The following SMAD6 variants were observed in gnomAD, a reference collection of about 807,000 sequenced individuals.
The protein encoded by SMAD6 is SMAD family member 6, also known as MAD homolog 6.
In SMAD6, 103 loss-of-function variants were observed where a neutral mutation model predicts 39.4. That is an observed-to-expected ratio of 2.62 (90% CI 2.23 to 3.08). The LOEUF is 3.08. SMAD6 is among the 30% of genes most tolerant of loss of function. SMAD6 has a pLI of 0.00. For missense variants in SMAD6, 1,104 were observed against 742.9 expected, an observed-to-expected ratio of 1.49 and a Z score of -5.65; for synonymous variants, 445 against 353.3, an observed-to-expected ratio of 1.26 and a Z score of -2.91.
At chr15:66,759,977 A>T (rs1290152905) in intron 3 of SMAD6, among the ~76,000 whole-genome samples, 1 of 152,250 alleles carries the variant, frequency 6.6e-6, no homozygotes, top group Admixed American at 6.5e-5. Flanking sequence ...GCCTCTGCAG[A>T]CTTTTCACTA....
intron 3 of SMAD6, among the ~76,000 whole-genome samples, chr15:66,727,115 T>C (rs1234268363): frequency 6.6e-6 from 1 of 151,746 alleles, no homozygotes; most frequent in Non-Finnish European, 1.5e-5. Flanking sequence ...TTTTTTTTTT[T>C]TGAGACAGAG....
At chr15:66,758,373 T>C (rs1184633789) in intron 3 of SMAD6, among the ~76,000 whole-genome samples, 1 of 152,298 alleles carries the variant, frequency 6.6e-6, no homozygotes, top group South Asian at 2.1e-4. Context: ...CAGAACAGCA[T>C]GGCAGGTCCA....
intron 1 of SMAD6, among the ~76,000 whole-genome samples, chr15:66,711,024 G>T (rs1893216081): frequency 6.6e-6 from 1 of 152,212 alleles, no homozygotes; most frequent in African/African-American, 2.4e-5. Flanking sequence ...ACGAGTTTCT[G>T]TGTCTGGGCC....
In SMAD6 at chr15:66,781,110, A is replaced by G. The variant is rs747893134; in HGVS notation, c.1066A>G (p.Ile356Val). Residue 356 changes from isoleucine to valine, a missense_variant, in exon 4 of 4, where the codon ATC becomes GTC. Ile to Val is a conservative substitution (Grantham distance 29, BLOSUM62 3). Transcript: ENST00000288840. ...LYAVYDQAVS[I>V]FYDLPQGSGF... ...TGCGGTGTACGACCAGGCCGTCAGC[A>G]TCTTCTACGACCTACCTCAGGGCAG... is the stretch of plus-strand genomic sequence containing the variant. The G allele has an allele frequency of 6.2e-6, 10 of 1,608,866 alleles. No homozygotes were observed. Among genetic ancestry groups the G allele is most frequent in the Non-Finnish European group, 8.5e-6 (10 of 1,179,718 alleles).
At chr15:66,746,407 C>T (rs971747566) in intron 3 of SMAD6, among the ~76,000 whole-genome samples, 10 of 152,150 alleles carry the variant, frequency 6.6e-5, no homozygotes, top group East Asian at 3.9e-4. Flanking sequence ...CCCTCCCTGG[C>T]GAGCCAGCTC....
intron 3 of SMAD6, among the ~76,000 whole-genome samples, chr15:66,750,512 C>T (rs1262531433): frequency 2.6e-5 from 4 of 152,200 alleles, no homozygotes; most frequent in Non-Finnish European, 5.9e-5. Flanking sequence ...TCTCACAGTG[C>T]TTCCCATCTT....
intron 1 of SMAD6, 178 bp downstream of exon 1, chr15:66,704,253 C>CA: frequency 2.4e-6 from 1 of 414,608 alleles, no homozygotes; most frequent in South Asian, 8.6e-5. Flanking sequence ...GGTGTCCCAG[C>CA]ACACACATCA....
At chr15:66,756,025 T>C (rs1894092001) in intron 3 of SMAD6, among the ~76,000 whole-genome samples, 1 of 141,540 alleles carries the variant, frequency 7.1e-6, no homozygotes, top group Non-Finnish European at 1.6e-5. Flanking sequence ...TCAAGTCATT[T>C]TGGTTAAAAA....
chr15:66,706,948 T>C (rs1893126088), intron 1 of SMAD6: 1 of 152,260 alleles, frequency 6.6e-6, no homozygotes, highest in African/African-American at 2.4e-5. Context: ...GATGTGCAGA[T>C]TCCAGGCCAC....
intron 3 of SMAD6, chr15:66,740,890 G>C (rs1385177218): frequency 6.6e-6 from 1 of 152,200 alleles, no homozygotes; most frequent in Non-Finnish European, 1.5e-5. Context: ...ATGACTTTCT[G>C]AGATCCCTGG....
Position 66,703,773 on chromosome 15 carries a change from T to C in SMAD6, c.515T>C (p.Leu172Pro). ...CGGCTGCTGCTGCTGGAGCAGGAAC[T>C]CAAAACCGTCACGTACTCGCTGCTG... ...RSRLLLLEQE[L>P]KTVTYSLLKR... The change falls in exon 1 of 4, where the codon CTC becomes CCC. Residue 172 changes from leucine to proline, a missense_variant. Coordinates refer to ENST00000288840, the MANE Select transcript of SMAD6 (RefSeq NM_005585.5). 6 of 1,431,000 alleles carry C rather than the reference T, an allele frequency of 4.2e-6. No individual in the cohort carries two copies. The highest frequency in any genetic ancestry group is 5.5e-6 in the Non-Finnish European group (6 of 1,081,102). The allele number at this position is 1,431,000 out of a possible 1,614,324, so 88.6% of individuals were successfully genotyped here.
intron 3 of SMAD6, chr15:66,717,195 T>C (rs1241799497): frequency 8.2e-7 from 1 of 1,222,444 alleles, no homozygotes; most frequent in Admixed American, 2.3e-5. Context: ...TGGGGCCCTT[T>C]GGGAGCATGG....
At chr15:66,711,809 T>C in intron 2 of SMAD6, 85 bp downstream of exon 2, 2 of 977,388 alleles carry the variant, frequency 2.0e-6, no homozygotes, top group South Asian at 1.3e-5. Context: ...GCCTCAGGGC[T>C]GGAGGGCTGG....
intron 3 of SMAD6, 94 bp downstream of exon 3, chr15:66,716,592 C>T (rs1893335197): frequency 3.3e-6 from 3 of 921,070 alleles, no homozygotes; most frequent in African/African-American, 1.6e-5. Context: ...TTGACTTCCC[C>T]TCTTCTTTTT....
intron 3 of SMAD6, among the ~76,000 whole-genome samples, chr15:66,732,835 A>G (rs1038407679): frequency 1.3e-5 from 2 of 152,006 alleles, no homozygotes; most frequent in South Asian, 2.1e-4. Context: ...CTGAAATTCA[A>G]TTTATCAGTT....
chr15:66,731,535 GT>G (rs2140625581), intron 3 of SMAD6, among the ~76,000 whole-genome samples: 1 of 152,106 alleles, frequency 6.6e-6, no homozygotes, highest in South Asian at 2.1e-4. Context: ...TGTCTCTATA[GT>G]TTTGCTTTTT....
chr15:66,738,943 T>A (rs1406845274), intron 3 of SMAD6, among the ~76,000 whole-genome samples: 2 of 152,102 alleles, frequency 1.3e-5, no homozygotes, highest in Non-Finnish European at 2.9e-5. Flanking sequence ...AAGGCCCTCA[T>A]CTGGCTGCAA....
chr15:66,754,792 G>A (rs1410626967), intron 3 of SMAD6, among the ~76,000 whole-genome samples: 1 of 152,190 alleles, frequency 6.6e-6, no homozygotes, highest in African/African-American at 2.4e-5. Flanking sequence ...GGAGCTAAAA[G>A]TCCATTTAAG....
intron 1 of SMAD6, among the ~76,000 whole-genome samples, chr15:66,710,973 C>T (rs1893215459): frequency 6.6e-6 from 1 of 152,234 alleles, no homozygotes; most frequent in Non-Finnish European, 1.5e-5. Context: ...CTGTCCTCCC[C>T]TGCACCTAGG....
Sources: gnomAD v4.1 joint callset for allele counts (sites outside exome capture counted in the v4.1 genomes callset) on GRCh38, gnomAD v4.1.1 for gene constraint, MANE v1.5 for transcripts, NCBI Gene and HGNC (gene_info 2026-07-23, HGNC 2026-07-21) for gene names.